MAST1: variants seen among roughly 807,000 people sequenced by gnomAD.
MAST1 encodes the protein microtubule associated serine/threonine kinase 1.
In MAST1, 40 loss-of-function variants were observed where a neutral mutation model predicts 124.6. The observed-to-expected ratio is 0.32, with a 90% CI of 0.25 to 0.42. The LOEUF is 0.42. MAST1 is among the 10% of genes least tolerant of loss of function. The pLI, the probability that MAST1 is intolerant of heterozygous loss-of-function variation, is 1.00. For missense variants in MAST1, 1,558 were observed against 2,181.9 expected (o/e 0.71, Z 5.70); for synonymous variants, 938 against 939.4 (o/e 1.00, Z 0.03).
rs386388580 is a variant in MAST1, at chr19:12,846,870, CAAAAAAAAAA to C, written c.328-405_328-396del. 1.1e-4 allele frequency among the ~76,000 whole-genome samples: 5 copies of C among 47,388 alleles called. No individual in the cohort carries two copies. The East Asian group carries it at 2.1e-3, about 20-fold the overall frequency. The allele number at this position is 47,388 out of a possible 152,430, so 31.1% of individuals were successfully genotyped here. On this transcript the variant is annotated intron_variant, in intron 4 of 25. Coordinates refer to ENST00000251472, the MANE Select transcript of MAST1 (RefSeq NM_014975.3). ...AGGCAACAAGAACGAAACTCCATCT[CAAAAAAAAAA>C]AAAAAAAAAAAAAAGAAGGCCACTG...
At chr19:12,871,204 A>C (rs370846267) in intron 24 of MAST1, 32 bp downstream of exon 24, 1 of 1,612,956 alleles carries the variant, frequency 6.2e-7, no homozygotes, top group Non-Finnish European at 8.5e-7. Context: ...CTGGTCTTTG[A>C]GCAGTGGGTG....
rs1970143616 is a variant in MAST1 at position 12,865,680 on chromosome 19, A to T, written c.1805-37A>T. The T allele has an allele frequency of 6.4e-7, 1 of 1,563,488 alleles. No homozygotes were observed. The highest frequency in any genetic ancestry group is 1.8e-5 in the Admixed American group (1 of 56,538). On this transcript the variant is annotated intron_variant, in intron 15 of 25. Transcript: ENST00000251472. This position sits in a 1 kb window ranked among gnomAD's most constrained non-coding sequence, Gnocchi z 7.1. Reference sequence around the variant, plus strand: ...GATCCTGTGTCCAAACAACAACAACAACAAAAACCGCCCCTAAGTTCCGTT... The same window carrying T: ...GATCCTGTGTCCAAACAACAACAACTACAAAAACCGCCCCTAAGTTCCGTT...
intron 12 of MAST1, among the ~76,000 whole-genome samples, chr19:12,864,075 C>T (rs951424256): frequency 6.6e-6 from 1 of 152,020 alleles, no homozygotes; most frequent in Non-Finnish European, 1.5e-5. Flanking sequence ...CAGCCGTCTG[C>T]CAACAAGCCA....
intron 4 of MAST1, among the ~76,000 whole-genome samples, chr19:12,845,652 A>ATTTTT (rs1219927144): frequency 7.7e-6 from 1 of 130,288 alleles, no homozygotes; most frequent in African/African-American, 3.1e-5. Context: ...TGACCCAGCA[A>ATTTTT]TTTTTTTTTT....
chr19:12,870,740 G>A (rs1970223020), intron 22 of MAST1, 84 bp from the exon 23 acceptor site: 2 of 1,372,448 alleles, frequency 1.5e-6, no homozygotes, highest in Non-Finnish European at 2.0e-6. Context: ...TGCATGCAGA[G>A]CTAAGTGTCC....
chr19:12,867,439 C>A, intron 18 of MAST1, 35 bp from the exon 19 acceptor site: 1 of 1,609,758 alleles, frequency 6.2e-7, no homozygotes, highest in South Asian at 1.1e-5. Context: ...GAAAGTGGAA[C>A]CCGGGCTGGA....
intron 7 of MAST1, 103 bp from the exon 8 acceptor site, chr19:12,851,831 A>G: frequency 1.2e-6 from 1 of 841,202 alleles, no homozygotes; most frequent in Non-Finnish European, 1.9e-6. Flanking sequence ...CCTCACCTGT[A>G]AGATGGGACA....
In MAST1 at chr19:12,874,864, A is replaced by T; in HGVS notation, c.4707A>T (p.Gly1569=). 6.3e-7 allele frequency: 1 copy of T among 1,597,702 alleles called. No individual in the cohort carries two copies. The highest frequency in any genetic ancestry group is 1.1e-5 in the South Asian group (1 of 89,556). ...KKGVSSPAPP[G]P is the part of the protein sequence containing the mutation. ...GAGTGTCCAGTCCCGCACCCCCGGGACCATAGCCAAGGGGGTCATCGGCCC... is the reference window on the plus strand; with the variant it reads ...GAGTGTCCAGTCCCGCACCCCCGGGTCCATAGCCAAGGGGGTCATCGGCCC... Residue 1569 remains glycine, a synonymous_variant, in exon 26 of 26, where the codon GGA becomes GGT. Transcript: ENST00000251472. This position sits in a 1 kb window ranked among gnomAD's most constrained non-coding sequence, Gnocchi z 6.6.
chr19:12,870,231 T>C (rs1970214452), intron 22 of MAST1, among the ~76,000 whole-genome samples: 1 of 144,016 alleles, frequency 6.9e-6, no homozygotes, highest in African/African-American at 2.6e-5. Flanking sequence ...GGCTCACGCC[T>C]GTAATCCCGG....
rs1268253257 is a variant in MAST1, at chr19:12,870,686, G to A, written c.3004-138G>A. ...TCCAAAAAAAAAAAAAAAATGTGGG[G>A]GGAGGAATAATAACTATTTCACAAG... is the stretch of plus-strand genomic sequence containing the variant. On this transcript the variant is annotated intron_variant, in intron 22 of 25. Transcript: ENST00000251472. 12 of 938,724 alleles carry A rather than the reference G, an allele frequency of 1.3e-5. No individual in the cohort carries two copies. In the East Asian group the frequency reaches 3.2e-4, roughly 25 times the overall value. 58.1% of individuals were successfully genotyped at this position (938,724 alleles called of 1,614,324 possible).
chr19:12,867,371 G>A (rs1970168390), intron 18 of MAST1, 103 bp from the exon 19 acceptor site: 1 of 1,346,236 alleles, frequency 7.4e-7, no homozygotes, highest in African/African-American at 1.4e-5. Flanking sequence ...CCAGGCCTCG[G>A]AGGGTGGAGT....
chr19:12,854,411 C>T (rs1252145274), intron 10 of MAST1, among the ~76,000 whole-genome samples: 1 of 152,162 alleles, frequency 6.6e-6, no homozygotes. Context: ...GCGTGAGCCA[C>T]ATGCCTGGCC....
At chr19:12,849,147 G>C (rs1377722909) in intron 7 of MAST1, among the ~76,000 whole-genome samples, 1 of 152,100 alleles carries the variant, frequency 6.6e-6, no homozygotes. Flanking sequence ...GGGTGGAGTT[G>C]TCTGTTCTGT....
chr19:12,866,312 T>C lies in MAST1; in HGVS notation c.2029+210T>C, dbSNP rs1050767179. 6.6e-6 allele frequency among the ~76,000 whole-genome samples: 1 copy of C among 151,804 alleles called. No individual in the cohort carries two copies. The highest frequency in any genetic ancestry group is 2.4e-5 in the African/African-American group (1 of 41,290). On this transcript the variant is annotated intron_variant, in intron 17 of 25. Transcript: ENST00000251472. The surrounding 1 kb of genome is among the most constrained non-coding windows in gnomAD (Gnocchi z 5.2). ...CTGAAATGTAGGTAAGAACCTGAGA[T>C]TGGGCTAGGTGTGGGGCCTGGCCTG... is the stretch of plus-strand genomic sequence containing the variant.
chr19:12,848,279 A>G, intron 7 of MAST1: 1 of 546,836 alleles, frequency 1.8e-6, no homozygotes, highest in Non-Finnish European at 3.2e-6. Context: ...TCTTTACTCA[A>G]ATGTCACCTT....
chr19:12,868,962 A>G (rs1970198878), intron 21 of MAST1, 104 bp from the exon 22 acceptor site: 1 of 1,532,856 alleles, frequency 6.5e-7, no homozygotes. Flanking sequence ...AGGCTGGACC[A>G]ATGAGAGGCT....
In MAST1 at chr19:12,866,604, A is replaced by T; in HGVS notation, c.2030-49A>T. ...GACTGGGCTCCTGTGGGGATGTGAT[A>T]TGAGGAGGAACCCCGTACCCTCAGT... On this transcript the variant is annotated intron_variant, in intron 17 of 25. Transcript: ENST00000251472. This position sits in a 1 kb window ranked among gnomAD's most constrained non-coding sequence, Gnocchi z 5.2. The T allele has an allele frequency of 7.9e-7, 1 of 1,262,928 alleles. No homozygotes were observed. Among genetic ancestry groups the T allele is most frequent in the Non-Finnish European group, 1.1e-6 (1 of 873,464 alleles). The allele number at this position is 1,262,928 out of a possible 1,614,324, so 78.2% of individuals were successfully genotyped here. A position where few individuals can be genotyped will look rare whatever the true frequency, so the allele number is the denominator to read the frequency against.
Position 12,841,975 on chromosome 19 carries a change from G to T in MAST1, c.248+909G>T, listed in dbSNP as rs986747248. On this transcript the variant is annotated intron_variant, in intron 3 of 25. Transcript: ENST00000251472. This position sits in a 1 kb window ranked among gnomAD's most constrained non-coding sequence, Gnocchi z 4.3. ...GGAGGACTGAGCGAGGGGACTGCTG[G>T]GAGGAAGAAGGAAGGGAGGAGTCCA... Among the ~76,000 whole-genome samples the T allele has an allele frequency of 6.6e-6, 1 of 152,164 alleles. No individual in the cohort carries two copies. The highest frequency in any genetic ancestry group is 2.1e-4 in the South Asian group (1 of 4,828).
At chr19:12,840,273 C>G (rs2145881895) in intron 1 of MAST1, among the ~76,000 whole-genome samples, 173 bp from the exon 2 acceptor site, 1 of 152,358 alleles carries the variant, frequency 6.6e-6, no homozygotes, top group Middle Eastern at 3.4e-3. Flanking sequence ...CCCTGCCGTA[C>G]ACAGTCCTGC....
Sources: gnomAD v4.1 joint callset for allele counts (sites outside exome capture counted in the v4.1 genomes callset) on GRCh38, gnomAD v4.1.1 for gene constraint, Gnocchi (gnomAD v3.1) non-coding constraint, MANE v1.5 for transcripts, NCBI Gene and HGNC (gene_info 2026-07-23, HGNC 2026-07-21) for gene names.